Variants in ARFGEF3 observed in about 807,000 individuals in gnomAD.
The protein encoded by ARFGEF3 is brefeldin A-inhibited guanine nucleotide-exchange protein 3.
Under a neutral mutation model 221.7 loss-of-function variants are expected in ARFGEF3, and 96 were observed. That is an observed-to-expected ratio of 0.43 (90% CI 0.37 to 0.51). The LOEUF (loss-of-function observed/expected upper bound fraction) is 0.51. Ranked by LOEUF, ARFGEF3 falls within the 20% of genes least tolerant of loss-of-function variation. ARFGEF3 has a pLI of 0.00. For missense variants in ARFGEF3, 2,410 were observed against 2,789.9 expected (o/e 0.86, Z 3.07); for synonymous variants, 1,145 against 1,126.8 (o/e 1.02, Z -0.32).
chr6:138,268,007 T>C (rs1398800844), intron 12 of ARFGEF3, among the ~76,000 whole-genome samples: 1 of 152,234 alleles, frequency 6.6e-6, no homozygotes, highest in Admixed American at 6.5e-5. Context: ...CCCATCACTC[T>C]GTGGTCCTGT....
chr6:138,276,128 T>TGGCTG (rs1562376487), intron 12 of ARFGEF3, among the ~76,000 whole-genome samples: 2 of 151,550 alleles, frequency 1.3e-5, no homozygotes, highest in Non-Finnish European at 2.9e-5. Flanking sequence ...GTTCCACACT[T>TGGCTG]GGCTGGTATT....
At chr6:138,296,689 T>C (rs1779529008) in intron 20 of ARFGEF3, 121 bp from the exon 21 acceptor site, 1 of 1,176,336 alleles carries the variant, frequency 8.5e-7, no homozygotes, top group Non-Finnish European at 1.2e-6. Context: ...CTCCCTTGGT[T>C]AGCCAATATC....
chr6:138,229,394 T>C lies in ARFGEF3; in HGVS notation c.352-390T>C, dbSNP rs775946144. 2.0e-5 allele frequency among the ~76,000 whole-genome samples: 3 copies of C among 152,220 alleles called. No individual in the cohort carries two copies. In the South Asian group the frequency reaches 6.2e-4, roughly 32 times the overall value. ...GGGGGCAATAATAATGACACTTATT[T>C]AGAAGGTCAACCTAGATAATTCATG... On this transcript the variant is annotated intron_variant, in intron 4 of 33. Transcript: ENST00000251691.
intron 2 of ARFGEF3, among the ~76,000 whole-genome samples, chr6:138,173,842 A>G (rs1426160721): frequency 6.6e-6 from 1 of 152,194 alleles, no homozygotes; most frequent in Non-Finnish European, 1.5e-5. Context: ...GCATATGTAC[A>G]TGTCTTTACA....
chr6:138,276,711 G>T (rs573706357), intron 12 of ARFGEF3, among the ~76,000 whole-genome samples: 3 of 152,218 alleles, frequency 2.0e-5, no homozygotes, highest in South Asian at 2.1e-4. Flanking sequence ...TGTTGCCCAG[G>T]CTGGAATGTA....
intron 18 of ARFGEF3, among the ~76,000 whole-genome samples, chr6:138,290,388 C>G (rs1320227082): frequency 6.6e-6 from 1 of 152,182 alleles, no homozygotes; most frequent in Admixed American, 6.5e-5. Flanking sequence ...TATTTGCATA[C>G]ATAAAATACA....
At position 138,340,544 on chromosome 6, in the gene ARFGEF3, G is replaced by C. The variant is rs939137036; in HGVS notation, c.*4058G>C. ...TGAAGACCTTTGATAGTAATAGCAAGAGGTTACAAATAGCAGGGAGGAGGC... is the reference window on the plus strand; with the variant it reads ...TGAAGACCTTTGATAGTAATAGCAACAGGTTACAAATAGCAGGGAGGAGGC... On this transcript the variant is annotated 3_prime_UTR_variant, in exon 34 of 34. Coordinates refer to ENST00000251691, the MANE Select transcript of ARFGEF3 (RefSeq NM_020340.5). The C allele has an allele frequency of 1.3e-5, 2 of 152,216 alleles. No homozygotes were observed. The highest frequency in any genetic ancestry group is 2.1e-4 in the South Asian group (1 of 4,830). The allele number at this position is 152,216 out of a possible 1,614,324, so 9.4% of individuals were successfully genotyped here.
intron 6 of ARFGEF3, 108 bp from the exon 7 acceptor site, chr6:138,242,844 C>A: frequency 1.1e-6 from 1 of 888,572 alleles, no homozygotes; most frequent in Non-Finnish European, 1.8e-6. Context: ...TAGCCGAGCC[C>A]AGGGCACCCC....
In ARFGEF3 at chr6:138,308,873, C is replaced by T; in HGVS notation, c.4096+12C>T. On this transcript the variant is annotated intron_variant, in intron 24 of 33. Transcript: ENST00000251691. ...TGTCAAAGGACTGGGTAAGCAGAACCCTTCTCTCATGCCTTGTAACTGCTG... is the reference window on the plus strand; with the variant it reads ...TGTCAAAGGACTGGGTAAGCAGAACTCTTCTCTCATGCCTTGTAACTGCTG... 1 of 1,613,852 alleles carries T rather than the reference C, an allele frequency of 6.2e-7. No homozygotes were observed. Among genetic ancestry groups the T allele is most frequent in the South Asian group, 1.1e-5 (1 of 91,048 alleles).
intron 33 of ARFGEF3, 40 bp from the exon 34 acceptor site, chr6:138,336,254 AG>A (rs752642700): frequency 2.0e-5 from 29 of 1,447,232 alleles, no homozygotes; most frequent in African/African-American, 2.9e-5. Context: ...AAATAAAACC[AG>A]GGGGGAAAGC....
At chr6:138,221,126 C>T (rs917390874) in intron 4 of ARFGEF3, among the ~76,000 whole-genome samples, 5 of 152,092 alleles carry the variant, frequency 3.3e-5, no homozygotes, top group African/African-American at 1.2e-4. Context: ...AGATTGGTAC[C>T]TCTTTCTATA....
chr6:138,259,989 G>T (rs934377219), intron 10 of ARFGEF3, among the ~76,000 whole-genome samples: 1 of 152,148 alleles, frequency 6.6e-6, no homozygotes, highest in African/African-American at 2.4e-5. Flanking sequence ...TTAAATTGTG[G>T]TGGGATGCCA....
chr6:138,336,245 A>T, intron 33 of ARFGEF3, 50 bp from the exon 34 acceptor site: 1 of 1,431,636 alleles, frequency 7.0e-7, no homozygotes, highest in African/African-American at 1.4e-5. Flanking sequence ...CAAGTGTTCA[A>T]ATAAAACCAG....
chr6:138,286,215 C>A lies in ARFGEF3; in HGVS notation c.2569+162C>A. Among the ~76,000 whole-genome samples, 2 of 152,138 alleles carry A rather than the reference C, an allele frequency of 1.3e-5. 1 individual carries two copies. The highest frequency in any genetic ancestry group is 2.9e-5 in the Non-Finnish European group (2 of 68,024). On this transcript the variant is annotated intron_variant, in intron 15 of 33. Transcript: ENST00000251691. ...CCTGTAATCCCAGCACTTTGGGAGG[C>A]CGAGGCGGGCAGATCACGAGGTCAG...
chr6:138,323,802 G>C lies in ARFGEF3; in HGVS notation c.4869+29G>C, dbSNP rs377489916. 3.1e-4 allele frequency: 496 copies of C among 1,601,652 alleles called. 1 individual carries two copies. The highest frequency in any genetic ancestry group is 7.2e-4 in the South Asian group (65 of 90,842). On this transcript the variant is annotated intron_variant, in intron 30 of 33. Transcript: ENST00000251691. ...CATCACTGGGAGGAAGCCCTCCCTG[G>C]CACAGTTCTAACCATCTTTAGCTCC... is the stretch of plus-strand genomic sequence containing the variant.
chr6:138,320,093 G>A (rs1018401589), intron 28 of ARFGEF3, among the ~76,000 whole-genome samples: 15 of 152,216 alleles, frequency 9.9e-5, no homozygotes, highest in African/African-American at 3.6e-4. Flanking sequence ...TTTTCAAACC[G>A]AATGCTCAAA....
chr6:138,294,174 C>G (rs1779465899), intron 20 of ARFGEF3, 48 bp downstream of exon 20: 1 of 1,588,360 alleles, frequency 6.3e-7, no homozygotes, highest in Non-Finnish European at 8.6e-7. Flanking sequence ...TAGCAGGAAA[C>G]AGCCCAGGCC....
chr6:138,291,745 C>T lies in ARFGEF3; in HGVS notation c.3060C>T (p.Tyr1020=), dbSNP rs117533399. 1.2e-4 allele frequency: 176 copies of T among 1,412,340 alleles called. 1 individual carries two copies. In the East Asian group the frequency reaches 4.2e-3, roughly 34 times the overall value. 87.5% of individuals were successfully genotyped at this position (1,412,340 alleles called of 1,614,324 possible). ...GTGCTCTTTCTAGGGTGTGTGAATA[C>T]GTGGGCACCCTGGAGCACAACCACT... ...CWPHVFRVCE[Y]VGTLEHNHFS... is the part of the protein sequence containing the mutation. The change falls in exon 19 of 34, where the codon TAC becomes TAT. Residue 1020 remains tyrosine, a synonymous_variant. Coordinates refer to ENST00000251691, the MANE Select transcript of ARFGEF3 (RefSeq NM_020340.5). This position sits in a 1 kb window ranked among gnomAD's most constrained non-coding sequence, Gnocchi z 4.5.
intron 5 of ARFGEF3, among the ~76,000 whole-genome samples, chr6:138,233,794 C>T (rs1778236214): frequency 1.3e-5 from 2 of 152,064 alleles, no homozygotes; most frequent in Non-Finnish European, 2.9e-5. Context: ...TACACAGATG[C>T]CTTGATCTAT....
Sources: gnomAD v4.1 joint callset for allele counts (sites outside exome capture counted in the v4.1 genomes callset) on GRCh38, gnomAD v4.1.1 for gene constraint, Gnocchi (gnomAD v3.1) non-coding constraint, MANE v1.5 for transcripts, NCBI Gene and HGNC (gene_info 2026-07-23, HGNC 2026-07-21) for gene names.